The following CREB3L3 variants were observed in gnomAD, a reference collection of about 807,000 sequenced individuals.
CREB3L3 encodes cyclic AMP-responsive element-binding protein 3-like protein 3.
CREB3L3 carries 40 observed loss-of-function variants against 44.6 expected under a neutral mutation model. That is an observed-to-expected ratio of 0.90 (90% CI 0.70 to 1.17). The LOEUF (loss-of-function observed/expected upper bound fraction) is 1.17, where lower values mean the gene tolerates loss of function less well. Ranked by LOEUF, CREB3L3 falls within the 50% of genes most tolerant of loss-of-function variation. The pLI is 0.00. For synonymous variants in CREB3L3, 273 were observed against 256.3 expected (o/e 1.06, Z -0.62); for missense variants, 578 against 595.8 (o/e 0.97, Z 0.31).
chr19:4,170,680 T>G (rs994429644), intron 7 of CREB3L3, among the ~76,000 whole-genome samples: 4 of 150,390 alleles, frequency 2.7e-5, no homozygotes, highest in African/African-American at 9.8e-5. Context: ...GAGGCTGAGG[T>G]GGGCGGATCA....
chr19:4,167,562 GGAAAAGAAAGGAAA>G (rs1330439322), intron 5 of CREB3L3, among the ~76,000 whole-genome samples: 2 of 135,016 alleles, frequency 1.5e-5, no homozygotes, highest in Non-Finnish European at 3.1e-5. Context: ...GGGAGGGAGG[GGAAAAGAAAGGAAA>G]GAAAAGAAAG....
chr19:4,166,596 A>C (rs1162378253), intron 5 of CREB3L3, among the ~76,000 whole-genome samples: 2 of 139,692 alleles, frequency 1.4e-5, no homozygotes, highest in African/African-American at 5.4e-5. Context: ...GGGTCTTGCT[A>C]TGTTGCCCAG....
In CREB3L3 at chr19:4,157,108, C is replaced by G. The variant is rs143021454; in HGVS notation, c.270C>G (p.Ser90=). The G allele has an allele frequency of 2.9e-3, 4,628 of 1,614,004 alleles. 8 individuals are homozygous for G. Among genetic ancestry groups the G allele is most frequent in the Non-Finnish European group, 3.6e-3 (4,231 of 1,179,978 alleles). Residue 90 remains serine (S), a synonymous_variant, in exon 3 of 10, where the codon TCC becomes TCG. Coordinates refer to ENST00000078445, the MANE Select transcript of CREB3L3 (RefSeq NM_032607.3). ...WSPEGSDSGI[S]EDLPSDPQDT... ...CCGAAGGCAGTGATAGTGGCATCTC[C>G]GAAGACCTCCCCTCCGACCCCCAGG...
In CREB3L3 at chr19:4,164,537, G is replaced by A. The variant is rs777963164; in HGVS notation, c.611G>A (p.Arg204Gln). 7.4e-6 allele frequency: 12 copies of A among 1,614,002 alleles called. No individual in the cohort carries two copies. Among genetic ancestry groups the A allele is most frequent in the South Asian group, 4.4e-5 (4 of 91,086 alleles). Reference protein sequence around the residue: ...QHHLGASYLLRPGAGHCQELV... With the variant: ...QHHLGASYLLQPGAGHCQELV... ...CACCTGGGGGCCTCCTACCTCCTGC[G>A]ACCTGGGGCTGGGCACTGTCAGGAG... The change falls in exon 5 of 10, where the codon CGA becomes CAA. Residue 204 changes from arginine (R) to glutamine (Q), a missense_variant. Coordinates refer to ENST00000078445, the MANE Select transcript of CREB3L3 (RefSeq NM_032607.3).
chr19:4,159,381 C>T (rs1328321322), intron 3 of CREB3L3, among the ~76,000 whole-genome samples: 1 of 114,604 alleles, frequency 8.7e-6, no homozygotes, highest in East Asian at 2.0e-4. Flanking sequence ...GAACTCCTAA[C>T]CTCAGATGAT....
intron 4 of CREB3L3, 57 bp from the exon 5 acceptor site, chr19:4,164,446 T>C: frequency 1.2e-6 from 2 of 1,610,112 alleles, no homozygotes; most frequent in Non-Finnish European, 1.7e-6. Context: ...CTCTTTCATT[T>C]CCTGAAGGCA....
At chr19:4,160,704 C>A (rs1361347518) in intron 4 of CREB3L3, among the ~76,000 whole-genome samples, 2 of 151,256 alleles carry the variant, frequency 1.3e-5, no homozygotes, top group African/African-American at 4.8e-5. Context: ...TACAGGCATG[C>A]ACCACCAGGC....
intron 4 of CREB3L3, among the ~76,000 whole-genome samples, chr19:4,163,433 C>T (rs2041687490): frequency 6.6e-6 from 1 of 152,176 alleles, no homozygotes; most frequent in African/African-American, 2.4e-5. Flanking sequence ...ATCTGTAGGA[C>T]TGATTTCTGA....
In CREB3L3 at chr19:4,172,075, G is replaced by C; in HGVS notation, c.*106G>C. ...GATGGGACGTGAGGCCAAGACCCCA[G>C]CAGAGATGCCAGAATGGGGGAGGCA... On this transcript the variant is annotated 3_prime_UTR_variant, in exon 10 of 10. Coordinates refer to ENST00000078445, the MANE Select transcript of CREB3L3 (RefSeq NM_032607.3). 8.4e-7 allele frequency: 1 copy of C among 1,191,972 alleles called. No individual in the cohort carries two copies. The highest frequency in any genetic ancestry group is 1.1e-6 in the Non-Finnish European group (1 of 871,478). The allele number at this position is 1,191,972 out of a possible 1,614,324, so 73.8% of individuals were successfully genotyped here.
At position 4,162,545 on chromosome 19, in the gene CREB3L3, G is replaced by A. The variant is rs952914856; in HGVS notation, c.577-1958G>A. Among the ~76,000 whole-genome samples the A allele has an allele frequency of 1.5e-4, 21 of 139,448 alleles. 1 individual carries two copies. The highest frequency in any genetic ancestry group is 2.4e-4 in the Non-Finnish European group (16 of 65,404). 91.5% of individuals were successfully genotyped at this position (139,448 alleles called of 152,430 possible). A position where few individuals can be genotyped will look rare whatever the true frequency, so the allele number is the denominator to read the frequency against. On this transcript the variant is annotated intron_variant, in intron 4 of 9. Coordinates refer to ENST00000078445, the MANE Select transcript of CREB3L3 (RefSeq NM_032607.3). ...AAAAAAAAAAAAAAATTAGCTGAGT[G>A]TGGTGGCGCACACCTGTAGTCCCAG...
At position 4,167,889 on chromosome 19, in the gene CREB3L3, C is replaced by T. The variant is rs548928005; in HGVS notation, c.715-462C>T. Reference sequence around the variant, plus strand: ...AGAGGATGGGGTGAAGTTGTGGGGTCGAGGTTAGGTGAAGTGGGGTCAGGA... The same window carrying T: ...AGAGGATGGGGTGAAGTTGTGGGGTTGAGGTTAGGTGAAGTGGGGTCAGGA... On this transcript the variant is annotated intron_variant, in intron 5 of 9. Transcript: ENST00000078445. Among the ~76,000 whole-genome samples, 7 of 151,892 alleles carry T rather than the reference C, an allele frequency of 4.6e-5. No homozygotes were observed. The South Asian group carries it at 1.2e-3, about 27-fold the overall frequency.
intron 4 of CREB3L3, among the ~76,000 whole-genome samples, chr19:4,163,294 C>A (rs1038772920): frequency 8.7e-6 from 1 of 114,358 alleles, no homozygotes; most frequent in Non-Finnish European, 1.8e-5. Flanking sequence ...GGCGACAGAG[C>A]GAGACTCGTC....
rs74612303 is a variant in CREB3L3, at chr19:4,168,440, C to A, written c.804C>A (p.Ile268=). 37,232 of 1,608,540 alleles carry A rather than the reference C, an allele frequency of 0.023. 2,028 individuals carry two copies. Among genetic ancestry groups the A allele is most frequent in the East Asian group, 0.2 (8,975 of 44,538 alleles). The change falls in exon 6 of 10, where the codon ATC becomes ATA. Residue 268 remains isoleucine, a synonymous_variant. Transcript: ENST00000078445. ...GCAGGAAGAAGAAGAAGGAATATAT[C>A]GATGGCCTGGAGACTCGGTGGGTAG... ...QESRKKKKEY[I]DGLETRMSAC...
intron 6 of CREB3L3, among the ~76,000 whole-genome samples, chr19:4,169,813 G>T (rs1270711855): frequency 6.6e-6 from 1 of 151,872 alleles, no homozygotes; most frequent in Admixed American, 6.6e-5. Flanking sequence ...TGGCCAGGCT[G>T]GTCTTGAACT....
intron 7 of CREB3L3, among the ~76,000 whole-genome samples, chr19:4,170,538 G>A (rs1161991939): frequency 6.6e-6 from 1 of 151,918 alleles, no homozygotes; most frequent in Non-Finnish European, 1.5e-5. Context: ...CTTGAACTCG[G>A]GAGGCGGAGG....
In CREB3L3 at chr19:4,172,198, A is replaced by G; in HGVS notation, c.*229A>G. On this transcript the variant is annotated 3_prime_UTR_variant, in exon 10 of 10. Transcript: ENST00000078445. ...GGGCCACAGGACCCGGGAAATACAC[A>G]CAGAGCCAGGAGCAGAAGCAAAGAG... 1 of 601,814 alleles carries G rather than the reference A, an allele frequency of 1.7e-6. No individual in the cohort carries two copies. The highest frequency in any genetic ancestry group is 2.9e-6 in the Non-Finnish European group (1 of 340,424). 37.3% of individuals were successfully genotyped at this position (601,814 alleles called of 1,614,324 possible). A position where few individuals can be genotyped will look rare whatever the true frequency, so the allele number is the denominator to read the frequency against.
rs959676078 is a variant in CREB3L3, at chr19:4,172,193, TAC to T, written c.*230_*231del. On this transcript the variant is annotated 3_prime_UTR_variant, in exon 10 of 10. Transcript: ENST00000078445. ...AAAGAGGGCCACAGGACCCGGGAAA[TAC>T]ACACAGAGCCAGGAGCAGAAGCAAA... The T allele has an allele frequency of 6.8e-5, 41 of 602,950 alleles. No homozygotes were observed. The African/African-American group carries it at 7.3e-4, about 11-fold the overall frequency. 37.3% of individuals were successfully genotyped at this position (602,950 alleles called of 1,614,324 possible). A position where few individuals can be genotyped will look rare whatever the true frequency, so the allele number is the denominator to read the frequency against.
intron 4 of CREB3L3, among the ~76,000 whole-genome samples, chr19:4,160,814 A>G (rs1480522115): frequency 6.6e-6 from 1 of 150,896 alleles, no homozygotes; most frequent in Non-Finnish European, 1.5e-5. Context: ...GCTCACTGCA[A>G]GCTCCGCCTA....
At chr19:4,162,436 A>T (rs980595886) in intron 4 of CREB3L3, among the ~76,000 whole-genome samples, 2 of 151,440 alleles carry the variant, frequency 1.3e-5, no homozygotes, top group Non-Finnish European at 2.9e-5. Context: ...CAACGATACA[A>T]AAAAAAATGA....
Sources: allele counts gnomAD v4.1 joint callset (sites outside exome capture counted in the v4.1 genomes callset), GRCh38; gene constraint gnomAD v4.1.1; transcripts MANE v1.5; gene names NCBI Gene and HGNC (gene_info 2026-07-23, HGNC 2026-07-21).